CLPB: variants seen among roughly 807,000 people sequenced by gnomAD.
CLPB encodes mitochondrial disaggregase.
Under a neutral mutation model 78.4 loss-of-function variants are expected in CLPB, and 40 were observed. The ratio of observed to expected loss-of-function variants is 0.51; its 90% CI spans 0.40 to 0.66. The LOEUF (loss-of-function observed/expected upper bound fraction) is 0.66, where lower values mean the gene tolerates loss of function less well. Among genes scored for constraint, CLPB ranks in the 30% least tolerant of loss-of-function variants. The pLI, the probability that CLPB is intolerant of heterozygous loss-of-function variation, is 0.00. For synonymous variants in CLPB, 333 were observed against 348.0 expected (o/e 0.96, Z 0.48); for missense variants, 780 against 886.9 (o/e 0.88, Z 1.53).
At chr11:72,344,022 G>A (rs118116597) in intron 5 of CLPB, among the ~76,000 whole-genome samples, 1 of 151,962 alleles carries the variant, frequency 6.6e-6, no homozygotes, top group South Asian at 2.1e-4. Context: ...AATACTGCTC[G>A]ACAAAACCAC....
intron 6 of CLPB, among the ~76,000 whole-genome samples, chr11:72,324,248 G>A (rs949903436): frequency 6.6e-5 from 10 of 151,986 alleles, no homozygotes; most frequent in African/African-American, 2.4e-4. Context: ...TCTTATACAA[G>A]TATATTTCAA....
chr11:72,393,854 T>C (rs1181344753), intron 3 of CLPB, among the ~76,000 whole-genome samples: 1 of 152,244 alleles, frequency 6.6e-6, no homozygotes, highest in Non-Finnish European at 1.5e-5. Flanking sequence ...AACACAGATT[T>C]AACCATTGCT....
At chr11:72,376,754 C>T (rs941810386) in intron 4 of CLPB, among the ~76,000 whole-genome samples, 1 of 152,122 alleles carries the variant, frequency 6.6e-6, no homozygotes, top group African/African-American at 2.4e-5. Flanking sequence ...TCACTGCAAC[C>T]TCTGCCTTCT....
At position 72,291,360 on chromosome 11, in the gene CLPB, T is replaced by G. The variant is rs911335462; in HGVS notation, c.*2007A>C. 1.3e-5 allele frequency: 2 copies of G among 152,318 alleles called. No homozygotes were observed. Among genetic ancestry groups the G allele is most frequent in the East Asian group, 3.9e-4 (2 of 5,154 alleles). 9.4% of individuals were successfully genotyped at this position (152,318 alleles called of 1,614,324 possible). A position where few individuals can be genotyped will look rare whatever the true frequency, so the allele number is the denominator to read the frequency against. On this transcript the variant is annotated 3_prime_UTR_variant, in exon 16 of 16. Transcript: ENST00000538039. ...TCTCACTCTGTCGCCCAGGCTGGAG[T>G]GCAGTGGCGTGATTTCAGCTCACTG... is the stretch of plus-strand genomic sequence containing the variant.
At chr11:72,361,989 C>T (rs998788975) in intron 4 of CLPB, among the ~76,000 whole-genome samples, 4 of 152,206 alleles carry the variant, frequency 2.6e-5, no homozygotes, top group Non-Finnish European at 5.9e-5. Context: ...TTGGCACAAA[C>T]GTCAGGAGAG....
intron 5 of CLPB, among the ~76,000 whole-genome samples, chr11:72,343,741 C>A (rs1043577784): frequency 6.6e-6 from 1 of 152,124 alleles, no homozygotes; most frequent in Non-Finnish European, 1.5e-5. Context: ...GAGGATTTCA[C>A]CAAGTTTGTC....
At chr11:72,307,719 C>T (rs545459932) in intron 8 of CLPB, among the ~76,000 whole-genome samples, 2 of 152,264 alleles carry the variant, frequency 1.3e-5, no homozygotes, top group Admixed American at 6.5e-5. Context: ...TGTGGCTTCA[C>T]GGTCCTTCTT....
At chr11:72,388,406 A>T (rs1855148463) in intron 3 of CLPB, among the ~76,000 whole-genome samples, 1 of 151,968 alleles carries the variant, frequency 6.6e-6, no homozygotes, top group South Asian at 2.1e-4. Context: ...ACCTGCCACC[A>T]TGCCCGGCTA....
chr11:72,428,368 C>G (rs150090725), intron 2 of CLPB, among the ~76,000 whole-genome samples: 3 of 152,216 alleles, frequency 2.0e-5, no homozygotes, highest in Non-Finnish European at 4.4e-5. Context: ...AAACTTCCCA[C>G]GTCTCCCCAC....
At position 72,381,934 on chromosome 11, in the gene CLPB, C is replaced by T. The variant is rs140886481; in HGVS notation, c.543-1550G>A. Among the ~76,000 whole-genome samples the T allele has an allele frequency of 6.6e-5, 10 of 152,270 alleles. No homozygotes were observed. In the East Asian group the frequency reaches 1.9e-3, roughly 29 times the overall value. Reference sequence around the variant, plus strand: ...CAGTAGACCCAGTACTGAGCTGGCTCCCACAAATCCAGACTCCAGGATAGC... The same window carrying T: ...CAGTAGACCCAGTACTGAGCTGGCTTCCACAAATCCAGACTCCAGGATAGC... On this transcript the variant is annotated intron_variant, in intron 3 of 15. Coordinates refer to ENST00000538039, the MANE Select transcript of CLPB (RefSeq NM_001258392.3).
intron 2 of CLPB, among the ~76,000 whole-genome samples, chr11:72,409,331 C>A (rs539119803): frequency 2.6e-5 from 4 of 152,270 alleles, no homozygotes; most frequent in African/African-American, 7.2e-5. Context: ...CACCTGTAAT[C>A]CCAGCACTTT....
At chr11:72,301,550 A>T (rs1949655443) in intron 11 of CLPB, among the ~76,000 whole-genome samples, 1 of 152,110 alleles carries the variant, frequency 6.6e-6, no homozygotes, top group Non-Finnish European at 1.5e-5. Context: ...CTGCCATACC[A>T]TGTCTCTCTA....
At chr11:72,294,747 G>A (rs1347728577) in intron 12 of CLPB, 54 bp from the exon 13 acceptor site, 2 of 1,453,276 alleles carry the variant, frequency 1.4e-6, no homozygotes, top group Non-Finnish European at 1.9e-6. Flanking sequence ...AACTTTGGGG[G>A]CTGTGCCTGC....
rs12790890 is a variant in CLPB at position 72,414,435 on chromosome 11, C to T, written c.456-11383G>A. On this transcript the variant is annotated intron_variant, in intron 2 of 15. Transcript: ENST00000538039. ...TGAGACACAAAAGTGGTTCAAATTT[C>T]TCAAACAGTGAAACAGTGTTGGTAC... 9.7e-3 allele frequency among the ~76,000 whole-genome samples: 1,482 copies of T among 152,336 alleles called. 11 individuals are homozygous for T. Among genetic ancestry groups the T allele is most frequent in the Admixed American group, 0.014 (212 of 15,304 alleles).
At chr11:72,358,321 T>G (rs1950760598) in intron 5 of CLPB, among the ~76,000 whole-genome samples, 1 of 152,154 alleles carries the variant, frequency 6.6e-6, no homozygotes, top group Non-Finnish European at 1.5e-5. Flanking sequence ...AGAGACAAGT[T>G]AGGGAGAAGG....
At chr11:72,412,492 A>G (rs191131286) in intron 2 of CLPB, among the ~76,000 whole-genome samples, 1 of 152,326 alleles carries the variant, frequency 6.6e-6, no homozygotes, top group African/African-American at 2.4e-5. Context: ...ATCTGCAGAG[A>G]TTAATCAGTC....
At chr11:72,408,211 T>C (rs1271124910) in intron 2 of CLPB, 1 of 1,532,602 alleles carries the variant, frequency 6.5e-7, no homozygotes, top group Admixed American at 2.0e-5. Flanking sequence ...GGGGCTGAGG[T>C]ATAATGGAAA....
At chr11:72,408,790 G>C (rs1375844733) in intron 2 of CLPB, among the ~76,000 whole-genome samples, 1 of 152,118 alleles carries the variant, frequency 6.6e-6, no homozygotes, top group Non-Finnish European at 1.5e-5. Flanking sequence ...CAGAAAGTTG[G>C]AATTTTACAA....
At chr11:72,314,166 C>CAA (rs1244136123) in intron 7 of CLPB, among the ~76,000 whole-genome samples, 1 of 152,136 alleles carries the variant, frequency 6.6e-6, no homozygotes, top group Non-Finnish European at 1.5e-5. Flanking sequence ...ATGGAATATG[C>CAA]GTCATACTCT....
Sources: gnomAD v4.1 joint callset for allele counts (sites outside exome capture counted in the v4.1 genomes callset) on GRCh38, gnomAD v4.1.1 for gene constraint, MANE v1.5 for transcripts, NCBI Gene and HGNC (gene_info 2026-07-23, HGNC 2026-07-21) for gene names.